Variants in TRDN observed in about 807,000 individuals in gnomAD.
TRDN encodes triadin.
Under a neutral mutation model 149.7 loss-of-function variants are expected in TRDN, and 161 were observed. The ratio of observed to expected loss-of-function variants is 1.08; its 90% CI spans 0.95 to 1.23. TRDN has a LOEUF of 1.23. Among genes scored for constraint, TRDN ranks in the 50% most tolerant of loss-of-function variants. TRDN has a pLI of 0.00. For missense variants in TRDN, 896 were observed against 823.5 expected, an observed-to-expected ratio of 1.09 and a Z score of -1.08; for synonymous variants, 294 against 250.5, an observed-to-expected ratio of 1.17 and a Z score of -1.64.
At chr6:123,525,349 T>A (rs890780843) in intron 5 of TRDN, among the ~76,000 whole-genome samples, 1 of 152,062 alleles carries the variant, frequency 6.6e-6, no homozygotes, top group Non-Finnish European at 1.5e-5. Flanking sequence ...GTGGTATATA[T>A]ACACCATGGA....
chr6:123,443,629 A>G (rs900404198), intron 10 of TRDN, among the ~76,000 whole-genome samples: 10 of 152,102 alleles, frequency 6.6e-5, no homozygotes, highest in African/African-American at 9.7e-5. Flanking sequence ...CGTCACGACT[A>G]AAAATACAAA....
intron 4 of TRDN, among the ~76,000 whole-genome samples, chr6:123,544,413 G>T (rs911829530): frequency 2.0e-5 from 3 of 151,682 alleles, no homozygotes; most frequent in African/African-American, 7.3e-5. Context: ...TTATAAACCG[G>T]GCATGCTCTC....
chr6:123,223,080 C>T (rs578129601), intron 39 of TRDN, among the ~76,000 whole-genome samples: 3 of 151,886 alleles, frequency 2.0e-5, no homozygotes, highest in Non-Finnish European at 4.4e-5. Context: ...TTGTGGAAAG[C>T]AGTGTGATGA....
intron 38 of TRDN, 79 bp downstream of exon 38, chr6:123,252,333 A>G: frequency 1.1e-6 from 1 of 916,218 alleles, no homozygotes; most frequent in East Asian, 2.8e-5. Flanking sequence ...CTTCAAAAAT[A>G]AAAATATTTT....
intron 5 of TRDN, among the ~76,000 whole-genome samples, chr6:123,524,972 C>A (rs73552162): frequency 0.12 from 18,558 of 151,900 alleles, 1,360 homozygotes; most frequent in Non-Finnish European, 0.17. Context: ...ACATCAGTAA[C>A]CATCAGAGAA....
At chr6:123,517,179 C>T (rs1314500270) in intron 5 of TRDN, among the ~76,000 whole-genome samples, 1 of 151,862 alleles carries the variant, frequency 6.6e-6, no homozygotes, top group African/African-American at 2.4e-5. Flanking sequence ...TATGAAATGA[C>T]CTAATCTAAT....
At chr6:123,574,825 A>T (rs1782748502) in intron 1 of TRDN, among the ~76,000 whole-genome samples, 1 of 143,700 alleles carries the variant, frequency 7.0e-6, no homozygotes, top group Non-Finnish European at 1.5e-5. Context: ...AAAAAGGCTA[A>T]ACATTTAAAA....
intron 12 of TRDN, among the ~76,000 whole-genome samples, chr6:123,400,167 G>GTGTATA (rs1554232309): frequency 2.2e-4 from 27 of 123,396 alleles, no homozygotes; most frequent in African/African-American, 7.5e-4. Context: ...ATATGTATGT[G>GTGTATA]TATATATATA....
intron 18 of TRDN, among the ~76,000 whole-genome samples, chr6:123,375,951 C>G (rs1781485599): frequency 6.6e-6 from 1 of 152,020 alleles, no homozygotes; most frequent in Admixed American, 6.6e-5. Context: ...CAGGCAAATG[C>G]ATTTTCCTCA....
intron 24 of TRDN, among the ~76,000 whole-genome samples, chr6:123,301,244 G>A (rs1333783700): frequency 6.6e-6 from 1 of 151,884 alleles, no homozygotes; most frequent in African/African-American, 2.4e-5. Context: ...TCTATGTTTT[G>A]TAGCAAAATA....
At chr6:123,406,501 C>G (rs1393460343) in intron 12 of TRDN, among the ~76,000 whole-genome samples, 1 of 151,670 alleles carries the variant, frequency 6.6e-6, no homozygotes, top group Non-Finnish European at 1.5e-5. Context: ...TTTTTCCTTG[C>G]AATTTTAAAC....
intron 4 of TRDN, among the ~76,000 whole-genome samples, chr6:123,539,888 C>CT (rs1780740456): frequency 6.6e-6 from 1 of 152,176 alleles, no homozygotes; most frequent in African/African-American, 2.4e-5. Flanking sequence ...GGCTCTCACT[C>CT]TGATTGTGAG....
At chr6:123,590,815 A>G (rs775627333) in intron 1 of TRDN, among the ~76,000 whole-genome samples, 2 of 152,128 alleles carry the variant, frequency 1.3e-5, no homozygotes, top group Non-Finnish European at 2.9e-5. Flanking sequence ...CACGATAAAT[A>G]TAATGTGCTT....
In TRDN at chr6:123,516,177, C is replaced by A; in HGVS notation, c.514G>T (p.Glu172Ter). The A allele has an allele frequency of 6.7e-7, 1 of 1,488,660 alleles. No homozygotes were observed. Among genetic ancestry groups the A allele is most frequent in the Non-Finnish European group, 9.0e-7 (1 of 1,107,322 alleles). The allele number at this position is 1,488,660 out of a possible 1,614,324, so 92.2% of individuals were successfully genotyped here. Residue 172 changes from glutamate to a stop codon, truncating the protein, a stop_gained, in exon 6 of 41, where the codon GAA becomes TAA. Transcript: ENST00000334268. LOFTEE classifies it high-confidence loss of function. ...GGTTTTTCTTTTTCTCTTACTTTTT[C>A]TTTTCCTTTTTCTTTTTCTTTGTGT... ...VTHKEKEKGK[E>*]KVREKEKPEK...
In TRDN at chr6:123,438,110, A is replaced by G; in HGVS notation, c.1004T>C (p.Ile335Thr). ...SETKKKEKED[I>T]KKKSEKETAI... The stretch of plus-strand genomic sequence containing the variant: ...AGTTTCCTTCTCACTTTTCTTTTTG[A>G]TATCTTCTTTTTCTGCTGGTAAAAT... Residue 335 changes from isoleucine to threonine, a missense_variant, in exon 12 of 41, where the codon ATC (isoleucine) becomes ACC (threonine). Coordinates refer to ENST00000334268, the MANE Select transcript of TRDN (RefSeq NM_006073.4). The G allele has an allele frequency of 1.3e-6, 2 of 1,585,948 alleles. No homozygotes were observed. The highest frequency in any genetic ancestry group is 1.7e-6 in the Non-Finnish European group (2 of 1,169,784).
In TRDN at chr6:123,548,474, C is replaced by A; in HGVS notation, c.371G>T (p.Gly124Val). 6.4e-7 allele frequency: 1 copy of A among 1,570,298 alleles called. No homozygotes were observed. The highest frequency in any genetic ancestry group is 8.6e-7 in the Non-Finnish European group (1 of 1,159,398). ...ISSEDEEDDD[G>V]DEDTDKGEID... ...TGTACCTTTATCAGTATCTTCGTCA[C>A]CATCATCATCTTCTTCATCTTCAGA... Residue 124 changes from glycine to valine, a missense_variant, in exon 3 of 41, where the codon GGT becomes GTT. Transcript: ENST00000334268.
intron 12 of TRDN, among the ~76,000 whole-genome samples, chr6:123,436,693 G>A (rs752136430): frequency 7.2e-5 from 11 of 151,898 alleles, no homozygotes; most frequent in Non-Finnish European, 1.3e-4. Flanking sequence ...CTCCCCAGAC[G>A]GTTCCCCACC....
intron 8 of TRDN, chr6:123,502,115 A>G (rs749843044): frequency 4.8e-4 from 477 of 983,972 alleles, no homozygotes; most frequent in Non-Finnish European, 5.6e-4. Context: ...GTTTTCACTG[A>G]TTTCATGTGA....
At chr6:123,583,297 G>A (rs1783230540) in intron 1 of TRDN, among the ~76,000 whole-genome samples, 1 of 151,458 alleles carries the variant, frequency 6.6e-6, no homozygotes, top group Admixed American at 6.6e-5. Flanking sequence ...TAGTAGGGAT[G>A]ACAAGTTTTT....
Sources: allele counts gnomAD v4.1 joint callset (sites outside exome capture counted in the v4.1 genomes callset), GRCh38; gene constraint gnomAD v4.1.1; transcripts MANE v1.5; gene names NCBI Gene and HGNC (gene_info 2026-07-23, HGNC 2026-07-21).